Variants in NXN observed in about 807,000 individuals in gnomAD.
The protein encoded by NXN is nucleoredoxin 1.
In NXN, 16 loss-of-function variants were observed where a neutral mutation model predicts 48.6. That is an observed-to-expected ratio of 0.33 (90% CI 0.22 to 0.50). The LOEUF (loss-of-function observed/expected upper bound fraction) is 0.50, where lower values mean the gene tolerates loss of function less well. Ranked by LOEUF, NXN falls within the 20% of genes least tolerant of loss-of-function variation. NXN has a pLI of 0.98. For missense variants in NXN, 492 were observed against 605.5 expected, an observed-to-expected ratio of 0.81 and a Z score of 1.97; for synonymous variants, 281 against 269.6, an observed-to-expected ratio of 1.04 and a Z score of -0.41.
At chr17:908,328 G>C (rs750165055) in intron 1 of NXN, among the ~76,000 whole-genome samples, 1 of 152,094 alleles carries the variant, frequency 6.6e-6, no homozygotes, top group Non-Finnish European at 1.5e-5. Context: ...ATGAGGTCAA[G>C]AGTTTGAGAC....
chr17:837,125 A>T (rs1383976268), intron 1 of NXN, among the ~76,000 whole-genome samples: 1 of 152,116 alleles, frequency 6.6e-6, no homozygotes, highest in Non-Finnish European at 1.5e-5. Flanking sequence ...CTACGGTCGC[A>T]CACCACCATG....
intron 1 of NXN, among the ~76,000 whole-genome samples, chr17:897,439 G>A (rs1030438590): frequency 6.6e-6 from 1 of 152,216 alleles, no homozygotes; most frequent in Non-Finnish European, 1.5e-5. Flanking sequence ...AGGGTGGGGT[G>A]CATCCTTACC....
intron 7 of NXN, 125 bp downstream of exon 7, chr17:803,556 GC>G: frequency 8.5e-7 from 1 of 1,170,194 alleles, no homozygotes; most frequent in Admixed American, 2.1e-5. Flanking sequence ...TTGTCTGTGG[GC>G]TCTCTCAGAA....
rs770591775 is a variant in NXN, at chr17:801,096, G to A, written c.1161C>T (p.Asn387=). The A allele has an allele frequency of 1.9e-6, 3 of 1,568,266 alleles. No homozygotes were observed. Among genetic ancestry groups the A allele is most frequent in the Non-Finnish European group, 2.6e-6 (3 of 1,157,060 alleles). ...DMTDSLRDYT[N]LPEAAPLLTI... is the part of the protein sequence containing the mutation. ...TGAGCAAAGGGGCAGCCTCAGGCAGGTTGGTGTAATCTCGCAGGGAGTCAG... is the reference window on the plus strand; with the variant it reads ...TGAGCAAAGGGGCAGCCTCAGGCAGATTGGTGTAATCTCGCAGGGAGTCAG... Residue 387 remains asparagine (N), a synonymous_variant, in exon 8 of 8, where the codon AAC becomes AAT. Coordinates refer to ENST00000336868, the MANE Select transcript of NXN (RefSeq NM_022463.5).
At chr17:949,898 C>G (rs1390950939) in intron 1 of NXN, among the ~76,000 whole-genome samples, 1 of 151,602 alleles carries the variant, frequency 6.6e-6, no homozygotes, top group East Asian at 2.0e-4. Context: ...GCCTGGGCAC[C>G]TTCTGGTAAC....
intron 1 of NXN, among the ~76,000 whole-genome samples, chr17:895,642 C>G (rs2068473053): frequency 1.1e-5 from 1 of 88,886 alleles, no homozygotes; most frequent in African/African-American, 4.6e-5. Flanking sequence ...GAAACCCCGT[C>G]TCTACTTAAA....
intron 1 of NXN, among the ~76,000 whole-genome samples, chr17:941,339 A>T (rs1434073183): frequency 1.4e-5 from 2 of 140,440 alleles, no homozygotes; most frequent in African/African-American, 5.5e-5. Context: ...TGAATTCACC[A>T]CACACCTCCC....
At chr17:877,717 T>C (rs80181532) in intron 1 of NXN, among the ~76,000 whole-genome samples, 1,789 of 152,278 alleles carry the variant, frequency 0.012, 28 homozygotes, top group African/African-American at 0.04. Flanking sequence ...AAAATACTCG[T>C]TATTTTTACC....
intron 1 of NXN, chr17:879,850 G>A (rs2068264894): frequency 6.6e-6 from 1 of 152,168 alleles, no homozygotes; most frequent in Non-Finnish European, 1.5e-5. Context: ...TGTATTTCAA[G>A]CCAAAGGATT....
Position 809,075 on chromosome 17 carries a change from C to T in NXN, c.821-3828G>A, listed in dbSNP as rs902787352. Among the ~76,000 whole-genome samples the T allele has an allele frequency of 3.1e-4, 47 of 152,200 alleles. 1 individual carries two copies. Among genetic ancestry groups the T allele is most frequent in the Admixed American group, 2.9e-3 (44 of 15,278 alleles). On this transcript the variant is annotated intron_variant, in intron 5 of 7. Coordinates refer to ENST00000336868, the MANE Select transcript of NXN (RefSeq NM_022463.5). The stretch of plus-strand genomic sequence containing the variant: ...TTGCTCTAGTGAGATCAACAGAGTC[C>T]TCCGTGATGGGCTGGAAGAAGTTAG...
At position 956,651 on chromosome 17, in the gene NXN, G is replaced by A. The variant is rs1287720734; in HGVS notation, c.360+22668C>T. On this transcript the variant is annotated intron_variant, in intron 1 of 7. Coordinates refer to ENST00000336868, the MANE Select transcript of NXN (RefSeq NM_022463.5). The surrounding 1 kb of genome is among the most constrained non-coding windows in gnomAD (Gnocchi z 4.1). ...GATGGTCTCGATCTCCAGACCTCAG[G>A]TGATCCGTCCACCTCAGCCTCCCAA... 1.3e-5 allele frequency among the ~76,000 whole-genome samples: 2 copies of A among 152,174 alleles called. No homozygotes were observed. The highest frequency in any genetic ancestry group is 4.8e-5 in the African/African-American group (2 of 41,440).
At chr17:974,276 G>A (rs540000512) in intron 1 of NXN, among the ~76,000 whole-genome samples, 10 of 151,880 alleles carry the variant, frequency 6.6e-5, no homozygotes, top group African/African-American at 2.2e-4. Flanking sequence ...GCGTGAACCC[G>A]GGAGGCGGAG....
chr17:812,590 T>TGA lies in NXN; in HGVS notation c.820+6847_820+6848dup, dbSNP rs759098074. Among the ~76,000 whole-genome samples, 9 of 151,916 alleles carry TGA rather than the reference T, an allele frequency of 5.9e-5. No homozygotes were observed. In the South Asian group the frequency reaches 1.5e-3, roughly 25 times the overall value. ...GTGAGTCTGTGTGTGCACGTGTGTG[T>TGA]GATGGCGCGAGTGTGCATTGTGTGA... is the stretch of plus-strand genomic sequence containing the variant. On this transcript the variant is annotated intron_variant, in intron 5 of 7. Coordinates refer to ENST00000336868, the MANE Select transcript of NXN (RefSeq NM_022463.5).
intron 1 of NXN, among the ~76,000 whole-genome samples, chr17:884,287 C>T (rs2068318990): frequency 6.7e-6 from 1 of 149,284 alleles, no homozygotes; most frequent in Admixed American, 6.7e-5. Context: ...CACCTAGAGT[C>T]CTAGCTACTT....
intron 1 of NXN, among the ~76,000 whole-genome samples, chr17:876,204 G>A (rs1240838913): frequency 2.1e-5 from 3 of 144,168 alleles, no homozygotes; most frequent in Admixed American, 6.9e-5. Flanking sequence ...AAAAAGAAAA[G>A]AAAGAAAAGA....
chr17:837,954 C>T (rs1167452281), intron 1 of NXN, among the ~76,000 whole-genome samples: 1 of 152,122 alleles, frequency 6.6e-6, no homozygotes, highest in East Asian at 1.9e-4. Context: ...ACAACATGTC[C>T]ACTCTGATTC....
chr17:800,551 T>G lies in NXN; in HGVS notation c.*398A>C, dbSNP rs1911146710. ...CCTCCACGCAGGTGTCACCCGGCGG[T>G]TCCCCTCTGGCCGTCCGGGGCCGTG... On this transcript the variant is annotated 3_prime_UTR_variant, in exon 8 of 8. Transcript: ENST00000336868. 6.3e-6 allele frequency: 1 copy of G among 157,506 alleles called. No homozygotes were observed. Among genetic ancestry groups the G allele is most frequent in the African/African-American group, 2.4e-5 (1 of 41,814 alleles). 9.8% of individuals were successfully genotyped at this position (157,506 alleles called of 1,614,324 possible). A position where few individuals can be genotyped will look rare whatever the true frequency, so the allele number is the denominator to read the frequency against.
intron 4 of NXN, among the ~76,000 whole-genome samples, chr17:820,426 A>G (rs1007431515): frequency 3.4e-5 from 5 of 148,752 alleles, no homozygotes; most frequent in African/African-American, 1.3e-4. Context: ...CCTGGCTAAC[A>G]CGGTGAAACC....
chr17:855,176 T>G (rs1025789320), intron 1 of NXN, among the ~76,000 whole-genome samples: 1 of 152,116 alleles, frequency 6.6e-6, no homozygotes. Context: ...ACTGGGAGGC[T>G]GAGAAGGGAG....
Sources: gnomAD v4.1 joint callset for allele counts (sites outside exome capture counted in the v4.1 genomes callset) on GRCh38, gnomAD v4.1.1 for gene constraint, Gnocchi (gnomAD v3.1) non-coding constraint, MANE v1.5 for transcripts, NCBI Gene and HGNC (gene_info 2026-07-23, HGNC 2026-07-21) for gene names.